CACHD1: variants seen among roughly 807,000 people sequenced by gnomAD.
The protein encoded by CACHD1 is VWFA and cache domain-containing protein 1.
In CACHD1, 71 loss-of-function variants were observed where a neutral mutation model predicts 138.7. That is an observed-to-expected ratio of 0.51 (90% CI 0.42 to 0.62). The LOEUF (loss-of-function observed/expected upper bound fraction) is 0.62, where lower values mean the gene tolerates loss of function less well. CACHD1 is among the 20% of genes least tolerant of loss of function. CACHD1 has a pLI of 0.00. For synonymous variants in CACHD1, 578 were observed against 591.5 expected (o/e 0.98, Z 0.33); for missense variants, 1,389 against 1,625.3 (o/e 0.85, Z 2.50).
At chr1:64,637,377 C>G (rs567532143) in intron 7 of CACHD1, among the ~76,000 whole-genome samples, 1 of 152,304 alleles carries the variant, frequency 6.6e-6, no homozygotes, top group South Asian at 2.1e-4. Flanking sequence ...GTCCATTGAG[C>G]AGGAATGTCT....
chr1:64,671,643 G>A lies in CACHD1; in HGVS notation c.2467G>A (p.Asp823Asn). The A allele has an allele frequency of 6.2e-7, 1 of 1,614,004 alleles. No homozygotes were observed. Among genetic ancestry groups the A allele is most frequent in the South Asian group, 1.1e-5 (1 of 91,066 alleles). The part of the protein sequence containing the change: ...TLRYFYKVLM[D>N]LLPVCNQDGG... ...CAGATACTTCTACAAAGTTCTGATGGACCTATTACCTGTCTGTAACCAAGA... is the reference window on the plus strand; with the variant it reads ...CAGATACTTCTACAAAGTTCTGATGAACCTATTACCTGTCTGTAACCAAGA... Residue 823 changes from aspartate to asparagine, a missense_variant, in exon 17 of 27, where the codon GAC (aspartate) becomes AAC (asparagine). Coordinates refer to ENST00000651257, the MANE Select transcript of CACHD1 (RefSeq NM_020925.4).
intron 1 of CACHD1, among the ~76,000 whole-genome samples, chr1:64,504,661 T>C (rs1646358154): frequency 6.6e-6 from 1 of 152,188 alleles, no homozygotes; most frequent in African/African-American, 2.4e-5. Flanking sequence ...TAAATAAATA[T>C]ATCTTCCACT....
chr1:64,538,184 A>G (rs1243260651), intron 1 of CACHD1, among the ~76,000 whole-genome samples: 4 of 152,294 alleles, frequency 2.6e-5, no homozygotes, highest in African/African-American at 9.6e-5. Flanking sequence ...GGAGTCATTT[A>G]TGTAATCATA....
intron 4 of CACHD1, among the ~76,000 whole-genome samples, chr1:64,625,185 A>G (rs962541424): frequency 6.6e-6 from 1 of 152,236 alleles, no homozygotes; most frequent in Non-Finnish European, 1.5e-5. Flanking sequence ...TGGGAATTCT[A>G]AAGTGTTCCT....
At chr1:64,616,875 A>G (rs751844684) in intron 4 of CACHD1, among the ~76,000 whole-genome samples, 24 of 152,310 alleles carry the variant, frequency 1.6e-4, no homozygotes, top group Non-Finnish European at 2.8e-4. Flanking sequence ...GTTGAGTGGG[A>G]TGGCAAGAAG....
chr1:64,534,810 G>A (rs1646618947), intron 1 of CACHD1, among the ~76,000 whole-genome samples: 1 of 152,254 alleles, frequency 6.6e-6, no homozygotes, highest in African/African-American at 2.4e-5. Flanking sequence ...GACAATGGAA[G>A]CTGATCACCT....
intron 23 of CACHD1, 46 bp from the exon 24 acceptor site, chr1:64,679,549 C>T: frequency 6.2e-7 from 1 of 1,604,978 alleles, no homozygotes; most frequent in Non-Finnish European, 8.5e-7. Flanking sequence ...TTCTTCCCCA[C>T]TTGGGAAATC....
chr1:64,681,486 T>C (rs955635218), intron 25 of CACHD1, 151 bp downstream of exon 25: 5 of 560,196 alleles, frequency 8.9e-6, no homozygotes, highest in African/African-American at 2.0e-5. Context: ...CCATCCTTTT[T>C]TGTTAGGAGT....
At chr1:64,502,532 G>C (rs1007767659) in intron 1 of CACHD1, among the ~76,000 whole-genome samples, 1 of 152,098 alleles carries the variant, frequency 6.6e-6, no homozygotes, top group Non-Finnish European at 1.5e-5. Flanking sequence ...CTCTCTGTGT[G>C]TGTATGTGTA....
chr1:64,674,423 T>C (rs1375155654), intron 19 of CACHD1, among the ~76,000 whole-genome samples: 2 of 152,116 alleles, frequency 1.3e-5, no homozygotes, highest in African/African-American at 4.8e-5. Flanking sequence ...ATTTCTGGAG[T>C]CTTCAGCACA....
chr1:64,676,864 G>A (rs777962259), intron 21 of CACHD1, 31 bp from the exon 22 acceptor site: 12 of 1,566,630 alleles, frequency 7.7e-6, no homozygotes, highest in East Asian at 2.2e-5. Context: ...GGCGGTGGTC[G>A]TCTTAACCTC....
At chr1:64,680,000 G>A (rs1289384135) in intron 24 of CACHD1, among the ~76,000 whole-genome samples, 3 of 152,182 alleles carry the variant, frequency 2.0e-5, no homozygotes, top group Non-Finnish European at 4.4e-5. Context: ...GCCTGCCTCT[G>A]CAATAAGCCA....
chr1:64,596,952 A>G (rs139640535), intron 3 of CACHD1, among the ~76,000 whole-genome samples: 2,263 of 152,194 alleles, frequency 0.015, 28 homozygotes, highest in Non-Finnish European at 0.021. Flanking sequence ...ATGCTATGTG[A>G]TAAATGAGGC....
At chr1:64,668,627 T>C (rs1037598948) in intron 16 of CACHD1, among the ~76,000 whole-genome samples, 2 of 152,218 alleles carry the variant, frequency 1.3e-5, no homozygotes, top group African/African-American at 2.4e-5. Flanking sequence ...GAAATGGCAG[T>C]TGAAGTCCTG....
chr1:64,535,263 C>G (rs530748981), intron 1 of CACHD1, among the ~76,000 whole-genome samples: 115 of 150,820 alleles, frequency 7.6e-4, no homozygotes, highest in African/African-American at 2.5e-3. Flanking sequence ...TTCTCCACCT[C>G]TTTGTTAAGA....
intron 14 of CACHD1, 151 bp downstream of exon 14, chr1:64,663,988 G>A: frequency 2.0e-6 from 2 of 997,980 alleles, no homozygotes; most frequent in South Asian, 3.3e-5. Context: ...GGGGAGGCTG[G>A]TCAGCAGTGA....
chr1:64,590,834 G>T (rs577894597), intron 3 of CACHD1, among the ~76,000 whole-genome samples: 55 of 152,178 alleles, frequency 3.6e-4, no homozygotes, highest in Non-Finnish European at 6.5e-4. Flanking sequence ...AATTATACCT[G>T]AGTCATGTAG....
chr1:64,472,555 T>G (rs542018707), intron 1 of CACHD1, among the ~76,000 whole-genome samples: 1 of 152,360 alleles, frequency 6.6e-6, no homozygotes, highest in Admixed American at 6.5e-5. Context: ...ATCATTCAAC[T>G]ATGCCGATCT....
chr1:64,688,856 T>C (rs908507623), intron 26 of CACHD1, among the ~76,000 whole-genome samples: 8 of 151,894 alleles, frequency 5.3e-5, no homozygotes. Flanking sequence ...TGGGCCCTGC[T>C]GGAGGTACCT....
Sources: gnomAD v4.1 joint callset for allele counts (sites outside exome capture counted in the v4.1 genomes callset) on GRCh38, gnomAD v4.1.1 for gene constraint, MANE v1.5 for transcripts, NCBI Gene and HGNC (gene_info 2026-07-23, HGNC 2026-07-21) for gene names.